The following MOSPD1 variants were observed in gnomAD, a reference collection of about 807,000 sequenced individuals.
MOSPD1 encodes motile sperm domain containing 1.
MOSPD1 carries 5 observed loss-of-function variants against 16.7 expected under a neutral mutation model. The observed-to-expected ratio is 0.30, with a 90% CI of 0.16 to 0.63. The LOEUF is 0.63. MOSPD1 is among the 30% of genes least tolerant of loss of function. The pLI, the probability that MOSPD1 is intolerant of heterozygous loss-of-function variation, is 0.82. For missense variants in MOSPD1, 104 were observed against 153.6 expected (o/e 0.68, Z 1.71); for synonymous variants, 67 against 59.2 (o/e 1.13, Z -0.61).
At chrX:134,904,676 A>T (rs1229944330) in intron 1 of MOSPD1, among the ~76,000 whole-genome samples, 4 of 110,739 alleles carry the variant, frequency 3.6e-5, no homozygotes, top group Admixed American at 1.9e-4. Context: ...AGCCTGACCA[A>T]CACGGTGAAA....
intron 1 of MOSPD1, among the ~76,000 whole-genome samples, chrX:134,906,491 G>C (rs2082944057): frequency 9.1e-6 from 1 of 109,729 alleles, no homozygotes; most frequent in Admixed American, 9.9e-5. Flanking sequence ...GCTTATCTTG[G>C]CTAAGATATA....
At chrX:134,910,789 G>T (rs755415455) in intron 1 of MOSPD1, among the ~76,000 whole-genome samples, 58 of 112,113 alleles carry the variant, frequency 5.2e-4, no homozygotes, top group African/African-American at 1.8e-3. Flanking sequence ...GGCTAGAAAG[G>T]TAAGTTAGAG....
rs941124143 is a variant in MOSPD1, at chrX:134,906,788, G to C, written c.-101-7254C>G. ...AGTGCACACCAAGTCAGAGTTAGTTGGTTCCCACTTTTCTAATTTGACAGA... is the reference window on the plus strand; with the variant it reads ...AGTGCACACCAAGTCAGAGTTAGTTCGTTCCCACTTTTCTAATTTGACAGA... On this transcript the variant is annotated intron_variant, in intron 1 of 5. Transcript: ENST00000370783. Among the ~76,000 whole-genome samples the C allele has an allele frequency of 3.6e-5, 4 of 111,720 alleles. No homozygotes were observed. In the Admixed American group the frequency reaches 3.8e-4, roughly 11 times the overall value.
chrX:134,896,541 G>A (rs1231790751), intron 4 of MOSPD1, among the ~76,000 whole-genome samples: 2 of 111,570 alleles, frequency 1.8e-5, no homozygotes, highest in Non-Finnish European at 3.8e-5. Flanking sequence ...ATATATTTAT[G>A]TTTATGTTTA....
At position 134,897,007 on chromosome X, in the gene MOSPD1, G is replaced by A; in HGVS notation, c.258C>T (p.Ser86=). The part of the protein sequence containing the change: ...DIVIRHRDVR[S]CHYGVIDKFR... ...ATTTGTCTATTACACCATAGTGACA[G>A]GATCGAACATCTCGATGACGAATCA... The change falls in exon 4 of 6, where the codon TCC becomes TCT. Residue 86 remains serine (S), a synonymous_variant. Coordinates refer to ENST00000370783, the MANE Select transcript of MOSPD1 (RefSeq NM_019556.3). The A allele has an allele frequency of 1.7e-6, 2 of 1,202,731 alleles. No individual in the cohort carries two copies. Among genetic ancestry groups the A allele is most frequent in the East Asian group, 5.9e-5 (2 of 33,696 alleles).
chrX:134,894,682 T>C (rs2082877406), intron 4 of MOSPD1, among the ~76,000 whole-genome samples: 1 of 111,810 alleles, frequency 8.9e-6, no homozygotes, highest in South Asian at 3.7e-4. Flanking sequence ...TGAATGGGGC[T>C]CTGCTGTGGT....
intron 1 of MOSPD1, among the ~76,000 whole-genome samples, chrX:134,913,063 A>C (rs1212103966): frequency 9.1e-6 from 1 of 110,031 alleles, no homozygotes; most frequent in Non-Finnish European, 1.9e-5. Flanking sequence ...ACATTGGGAA[A>C]TCCCTACTAA....
chrX:134,913,318 G>A (rs758033320), intron 1 of MOSPD1, among the ~76,000 whole-genome samples: 15 of 111,122 alleles, frequency 1.3e-4, no homozygotes, highest in African/African-American at 4.9e-4. Flanking sequence ...AGGTTGCAGT[G>A]AGCTGAGACT....
intron 3 of MOSPD1, 63 bp from the exon 4 acceptor site, chrX:134,897,097 G>T: frequency 1.3e-6 from 1 of 774,983 alleles, no homozygotes; most frequent in Non-Finnish European, 1.9e-6. Context: ...ACAGAAGGCA[G>T]TGAGATATTT....
Position 134,889,066 on chromosome X carries a change from T to G in MOSPD1, c.*95A>C. 1.9e-6 allele frequency: 1 copy of G among 513,135 alleles called. No individual in the cohort carries two copies. Among genetic ancestry groups the G allele is most frequent in the Non-Finnish European group, 3.1e-6 (1 of 317,515 alleles). The allele number at this position is 513,135 out of a possible 1,213,427, so 42.3% of individuals were successfully genotyped here. On this transcript the variant is annotated 3_prime_UTR_variant, in exon 6 of 6. Transcript: ENST00000370783. ...CAATTATTTGAAATCATTCAATAGT[T>G]TGTTGCATGTTAATGGAGTGAAATA...
At position 134,891,467 on chromosome X, in the gene MOSPD1, T is replaced by C; in HGVS notation, c.610+12A>G. 1 of 1,208,513 alleles carries C rather than the reference T, an allele frequency of 8.3e-7. No individual in the cohort carries two copies. The highest frequency in any genetic ancestry group is 1.1e-6 in the Non-Finnish European group (1 of 893,586). On this transcript the variant is annotated intron_variant, in intron 5 of 5. Coordinates refer to ENST00000370783, the MANE Select transcript of MOSPD1 (RefSeq NM_019556.3). Reference sequence around the variant, plus strand: ...TACACATATGTCCCAAATGCATCTTTAAAACCCTTACCTAAGATATAAGCA... The same window carrying C: ...TACACATATGTCCCAAATGCATCTTCAAAACCCTTACCTAAGATATAAGCA...
Position 134,910,458 on chromosome X carries a change from T to C in MOSPD1, c.-102+4724A>G, listed in dbSNP as rs183958044. Among the ~76,000 whole-genome samples, 4 of 111,359 alleles carry C rather than the reference T, an allele frequency of 3.6e-5. No individual in the cohort carries two copies. In the East Asian group the frequency reaches 1.1e-3, roughly 31 times the overall value. ...ACAAACATTTCCTGAGCACTTATTA[T>C]ATACAAGGCACTGTGCTAGGGAATA... On this transcript the variant is annotated intron_variant, in intron 1 of 5. Transcript: ENST00000370783.
intron 1 of MOSPD1, among the ~76,000 whole-genome samples, chrX:134,912,093 C>A (rs188461865): frequency 5.8e-4 from 65 of 112,491 alleles, no homozygotes; most frequent in Non-Finnish European, 3.0e-4. Context: ...TCTTATTGCC[C>A]AGGCTGGAGT....
intron 1 of MOSPD1, among the ~76,000 whole-genome samples, chrX:134,908,112 T>A (rs1399141489): frequency 8.9e-6 from 1 of 112,265 alleles, no homozygotes; most frequent in Admixed American, 9.4e-5. Flanking sequence ...GTGCATTAAT[T>A]TTGACTTCTC....
chrX:134,914,191 G>A (rs1029037936), intron 1 of MOSPD1, among the ~76,000 whole-genome samples: 3 of 112,071 alleles, frequency 2.7e-5, no homozygotes, highest in African/African-American at 9.7e-5. Flanking sequence ...TTTCACGTTT[G>A]AGTCCTCTTC....
intron 4 of MOSPD1, among the ~76,000 whole-genome samples, chrX:134,896,582 C>A (rs1194079293): frequency 2.7e-5 from 3 of 111,798 alleles, no homozygotes; most frequent in African/African-American, 6.5e-5. Context: ...GCTACAGCAA[C>A]ATCTACCCGC....
At chrX:134,909,111 C>CAA (rs200012314) in intron 1 of MOSPD1, among the ~76,000 whole-genome samples, 2 of 105,613 alleles carry the variant, frequency 1.9e-5, no homozygotes, top group African/African-American at 3.5e-5. Context: ...ACTAAAAATA[C>CAA]AAAAAAAAAA....
Position 134,889,106 on chromosome X carries a change from T to C in MOSPD1, c.*55A>G. 1 of 1,005,707 alleles carries C rather than the reference T, an allele frequency of 9.9e-7. No individual in the cohort carries two copies. Among genetic ancestry groups the C allele is most frequent in the Non-Finnish European group, 1.4e-6 (1 of 719,456 alleles). 82.9% of individuals were successfully genotyped at this position (1,005,707 alleles called of 1,213,427 possible). On this transcript the variant is annotated 3_prime_UTR_variant, in exon 6 of 6. Transcript: ENST00000370783. ...GGAGTGAAATAGAGATAAAAGGCAG[T>C]CCACATTCATATTTTCAAGACAGAT...
chrX:134,910,126 G>A (rs1019403906), intron 1 of MOSPD1, among the ~76,000 whole-genome samples: 6 of 111,432 alleles, frequency 5.4e-5, no homozygotes, highest in East Asian at 2.8e-4. Context: ...ATTCATGGCC[G>A]GGCGCAGTGA....
Sources: gnomAD v4.1 joint callset for allele counts (sites outside exome capture counted in the v4.1 genomes callset) on GRCh38, gnomAD v4.1.1 for gene constraint, MANE v1.5 for transcripts, NCBI Gene and HGNC (gene_info 2026-07-23, HGNC 2026-07-21) for gene names.